DNAI1: variants seen among roughly 807,000 people sequenced by gnomAD.
DNAI1 encodes the protein dynein, axonemal, intermediate polypeptide 1.
A neutral mutation model predicts 92.0 loss-of-function variants in DNAI1; 67 were observed. The observed-to-expected ratio is 0.73, with a 90% CI of 0.60 to 0.89. The LOEUF (loss-of-function observed/expected upper bound fraction) is 0.89. Ranked by LOEUF, DNAI1 falls within the 40% of genes least tolerant of loss-of-function variation. DNAI1 has a pLI of 0.00. For synonymous variants in DNAI1, 323 were observed against 319.6 expected, an observed-to-expected ratio of 1.01 and a Z score of -0.11; for missense variants, 839 against 866.6, an observed-to-expected ratio of 0.97 and a Z score of 0.40.
At chr9:34,497,037 C>T in intron 9 of DNAI1, 78 bp from the exon 10 acceptor site, 1 of 1,108,166 alleles carries the variant, frequency 9.0e-7, no homozygotes, top group Non-Finnish European at 1.4e-6. Context: ...GAATCAATTG[C>T]AAGGGTGACA....
At chr9:34,480,730 G>A (rs1282890545) in intron 1 of DNAI1, among the ~76,000 whole-genome samples, 1 of 151,948 alleles carries the variant, frequency 6.6e-6, no homozygotes, top group Non-Finnish European at 1.5e-5. Context: ...GATCACCTGA[G>A]GTCAGGAGTT....
chr9:34,500,674 G>T (rs776462702), intron 10 of DNAI1, 48 bp from the exon 11 acceptor site: 3 of 1,399,734 alleles, frequency 2.1e-6, no homozygotes, highest in African/African-American at 2.8e-5. Context: ...ACCTGGGTTT[G>T]CCATAAAGCG....
chr9:34,464,215 A>G (rs1395780978), intron 1 of DNAI1, among the ~76,000 whole-genome samples: 1 of 152,060 alleles, frequency 6.6e-6, no homozygotes, highest in Non-Finnish European at 1.5e-5. Context: ...CATTCTCTAC[A>G]CTGCATGAAA....
At chr9:34,476,730 G>A (rs1392851825) in intron 1 of DNAI1, among the ~76,000 whole-genome samples, 1 of 152,176 alleles carries the variant, frequency 6.6e-6, no homozygotes, top group African/African-American at 2.4e-5. Flanking sequence ...GATGGTCCAT[G>A]GAAGAAATCC....
At chr9:34,515,692 C>A (rs143914948) in intron 18 of DNAI1, among the ~76,000 whole-genome samples, 48 of 152,264 alleles carry the variant, frequency 3.2e-4, no homozygotes, top group Middle Eastern at 6.8e-3. Flanking sequence ...CATGGAGGAA[C>A]CTTGACAACA....
Position 34,520,774 on chromosome 9 carries a change from C to G in DNAI1, c.*18C>G. 6.4e-7 allele frequency: 1 copy of G among 1,551,078 alleles called. No homozygotes were observed. The highest frequency in any genetic ancestry group is 1.2e-5 in the South Asian group (1 of 84,046). On this transcript the variant is annotated 3_prime_UTR_variant, in exon 20 of 20. Coordinates refer to ENST00000242317, the MANE Select transcript of DNAI1 (RefSeq NM_012144.4). Reference sequence around the variant, plus strand: ...AGACCTGAGGGGCTGGCCTCAGTCTCTGTCCCATCGCTTGAATACAGTACT... The same window carrying G: ...AGACCTGAGGGGCTGGCCTCAGTCTGTGTCCCATCGCTTGAATACAGTACT...
chr9:34,466,303 C>G (rs1824037586), intron 1 of DNAI1, among the ~76,000 whole-genome samples: 1 of 152,182 alleles, frequency 6.6e-6, no homozygotes, highest in Admixed American at 6.5e-5. Context: ...TATTTTTCTA[C>G]TTTTATTCTT....
intron 9 of DNAI1, among the ~76,000 whole-genome samples, chr9:34,496,238 C>T (rs144990038): frequency 1.3e-3 from 199 of 152,290 alleles, no homozygotes; most frequent in Non-Finnish European, 1.8e-3. Context: ...CAGGTCTGTG[C>T]GGCTCTAGAA....
intron 2 of DNAI1, among the ~76,000 whole-genome samples, chr9:34,484,850 G>A (rs772345541): frequency 6.6e-6 from 1 of 152,176 alleles, no homozygotes; most frequent in Non-Finnish European, 1.5e-5. Flanking sequence ...AGGCAGTAGG[G>A]AGGAACCAGT....
intron 9 of DNAI1, 24 bp downstream of exon 9, chr9:34,493,352 C>G: frequency 6.2e-7 from 1 of 1,613,982 alleles, no homozygotes; most frequent in Non-Finnish European, 8.5e-7. Flanking sequence ...TCCTACAGCT[C>G]TGCCACAGAA....
chr9:34,489,951 C>T, intron 5 of DNAI1, 61 bp from the exon 6 acceptor site: 1 of 1,594,998 alleles, frequency 6.3e-7, no homozygotes, highest in Non-Finnish European at 8.5e-7. Context: ...AGAAAGCCCT[C>T]CCTGCCACAG....
At chr9:34,520,381 T>C (rs887761326) in intron 19 of DNAI1, among the ~76,000 whole-genome samples, 1 of 152,184 alleles carries the variant, frequency 6.6e-6, no homozygotes, top group Non-Finnish European at 1.5e-5. Flanking sequence ...AGGGAATGGA[T>C]GCCTTTTCCC....
At chr9:34,492,416 G>A (rs1824619671) in intron 8 of DNAI1, among the ~76,000 whole-genome samples, 1 of 147,796 alleles carries the variant, frequency 6.8e-6, no homozygotes, top group Non-Finnish European at 1.5e-5. Flanking sequence ...TTAATGCTGA[G>A]ATGTGGTCAG....
intron 9 of DNAI1, among the ~76,000 whole-genome samples, chr9:34,494,490 G>T (rs1824676693): frequency 6.6e-6 from 1 of 152,128 alleles, no homozygotes; most frequent in Admixed American, 6.5e-5. Context: ...GAGGTTAGAG[G>T]CTTCACAGGG....
intron 13 of DNAI1, among the ~76,000 whole-genome samples, chr9:34,511,679 C>T (rs1825067661): frequency 6.6e-6 from 1 of 152,266 alleles, no homozygotes; most frequent in Admixed American, 6.5e-5. Context: ...CATAACAAAC[C>T]TATGCTATTA....
At chr9:34,474,638 G>A (rs1338347354) in intron 1 of DNAI1, among the ~76,000 whole-genome samples, 3 of 138,616 alleles carry the variant, frequency 2.2e-5, no homozygotes, top group East Asian at 2.1e-4. Flanking sequence ...GTGCAATCTC[G>A]GCTCACTGCA....
At chr9:34,519,860 C>T (rs554800905) in intron 19 of DNAI1, among the ~76,000 whole-genome samples, 1 of 152,300 alleles carries the variant, frequency 6.6e-6, no homozygotes, top group East Asian at 1.9e-4. Context: ...CAGCACAGCC[C>T]TCACCCCCCT....
rs1416045438 is a variant in DNAI1, at chr9:34,491,489, C to T, written c.622-6C>T. The stretch of plus-strand genomic sequence containing the variant: ...TTTGTGGGTCTCCTGTTGTCTTGTT[C>T]TTTAGGATCGAGAATGCCAGACGGA... On this transcript the variant is annotated splice_region_variant and splice_polypyrimidine_tract_variant and intron_variant, in intron 7 of 19. Coordinates refer to ENST00000242317, the MANE Select transcript of DNAI1 (RefSeq NM_012144.4). 1.9e-6 allele frequency: 3 copies of T among 1,614,028 alleles called. No individual in the cohort carries two copies. Among genetic ancestry groups the T allele is most frequent in the African/African-American group, 2.7e-5 (2 of 74,910 alleles).
intron 1 of DNAI1, among the ~76,000 whole-genome samples, chr9:34,481,274 C>T (rs1824348669): frequency 6.6e-6 from 1 of 152,198 alleles, no homozygotes; most frequent in South Asian, 2.1e-4. Flanking sequence ...TTTTAAATCT[C>T]TTTATTGCCT....
Sources: gnomAD v4.1 joint callset for allele counts (sites outside exome capture counted in the v4.1 genomes callset) on GRCh38, gnomAD v4.1.1 for gene constraint, MANE v1.5 for transcripts, NCBI Gene and HGNC (gene_info 2026-07-23, HGNC 2026-07-21) for gene names.